The following SYN3 variants were observed in gnomAD, a reference collection of about 807,000 sequenced individuals.
The protein encoded by SYN3 is synapsin-3.
In SYN3, 35 loss-of-function variants were observed where a neutral mutation model predicts 65.8. That is an observed-to-expected ratio of 0.53 (90% CI 0.41 to 0.70). The LOEUF is 0.70. Ranked by LOEUF, SYN3 falls within the 30% of genes least tolerant of loss-of-function variation. The pLI, the probability that SYN3 is intolerant of heterozygous loss-of-function variation, is 0.00. For missense variants in SYN3, 680 were observed against 749.0 expected, an observed-to-expected ratio of 0.91 and a Z score of 1.08; for synonymous variants, 270 against 292.9, an observed-to-expected ratio of 0.92 and a Z score of 0.80.
In SYN3 at chr22:32,892,511, A is replaced by AGTGCTGTG. The variant is rs1307667333; in HGVS notation, c.462-23394_462-23387dup. 2.0e-5 allele frequency among the ~76,000 whole-genome samples: 3 copies of AGTGCTGTG among 152,344 alleles called. No individual in the cohort carries two copies. The East Asian group carries it at 5.8e-4, about 29-fold the overall frequency. On this transcript the variant is annotated intron_variant, in intron 4 of 13. Transcript: ENST00000358763. ...ATACATGCTATTACAAATTGTGATG[A>AGTGCTGTG]GTGCTGTGAAGGAAACGAGACTCTA...
At position 33,035,296 on chromosome 22, in the gene SYN3, G is replaced by A. The variant is rs1188071459; in HGVS notation, c.-163+22996C>T. Among the ~76,000 whole-genome samples, 6 of 143,304 alleles carry A rather than the reference G, an allele frequency of 4.2e-5. No homozygotes were observed. The Admixed American group carries it at 4.4e-4, about 11-fold the overall frequency. 94.0% of individuals were successfully genotyped at this position (143,304 alleles called of 152,430 possible). On this transcript the variant is annotated intron_variant, in intron 1 of 13. Transcript: ENST00000358763. Reference sequence around the variant, plus strand: ...TATATTAAACCAATTAATCCTAACAGTTGTAGGTGGAAAGAAAAATTAAAA... The same window carrying A: ...TATATTAAACCAATTAATCCTAACAATTGTAGGTGGAAAGAAAAATTAAAA...
intron 7 of SYN3, among the ~76,000 whole-genome samples, chr22:32,562,875 A>ACAC (rs1293014951): frequency 3.9e-5 from 6 of 152,244 alleles, no homozygotes; most frequent in African/African-American, 1.2e-4. Context: ...CTTTCATGGG[A>ACAC]AGGACACAGG....
chr22:32,719,836 T>A (rs1006059902), intron 6 of SYN3, among the ~76,000 whole-genome samples: 2 of 151,832 alleles, frequency 1.3e-5, no homozygotes, highest in African/African-American at 4.8e-5. Flanking sequence ...AGCAAGACTG[T>A]CTCAGAAAAA....
At chr22:32,998,966 T>A (rs542043650) in intron 2 of SYN3, among the ~76,000 whole-genome samples, 1 of 152,184 alleles carries the variant, frequency 6.6e-6, no homozygotes, top group East Asian at 1.9e-4. Context: ...GAGGTGAGCT[T>A]CAGACTCCAC....
At chr22:32,915,798 T>A (rs1486855210) in intron 4 of SYN3, among the ~76,000 whole-genome samples, 2 of 152,174 alleles carry the variant, frequency 1.3e-5, no homozygotes, top group African/African-American at 4.8e-5. Context: ...TTGTAGAGTT[T>A]TAAACATGCA....
chr22:32,809,576 G>A (rs990910952), intron 6 of SYN3, among the ~76,000 whole-genome samples: 2 of 151,974 alleles, frequency 1.3e-5, no homozygotes, highest in Non-Finnish European at 2.9e-5. Flanking sequence ...TCTGTGTTTG[G>A]AACAGTTATC....
At chr22:32,974,387 A>G (rs894386415) in intron 3 of SYN3, among the ~76,000 whole-genome samples, 2 of 152,216 alleles carry the variant, frequency 1.3e-5, no homozygotes, top group African/African-American at 2.4e-5. Context: ...TTTATCTCAT[A>G]AGGACTCAAC....
intron 7 of SYN3, among the ~76,000 whole-genome samples, chr22:32,560,838 C>T (rs1471987709): frequency 6.6e-6 from 1 of 152,166 alleles, no homozygotes; most frequent in African/African-American, 2.4e-5. Context: ...TGGAAGCCCA[C>T]TTTCATCATA....
At chr22:32,651,564 T>TTGAATGAATGAATGAA (rs143229085) in intron 6 of SYN3, among the ~76,000 whole-genome samples, 16,371 of 150,990 alleles carry the variant, frequency 0.11, 1,791 homozygotes, top group East Asian at 0.56. Context: ...GGATGCATGC[T>TTGAATGAATGAATGAA]TGAATGAATG....
intron 6 of SYN3, among the ~76,000 whole-genome samples, chr22:32,770,865 ATTAACACATATGTGTTCAG>A (rs902149158): frequency 5.3e-5 from 8 of 152,174 alleles, no homozygotes; most frequent in East Asian, 1.9e-4. Flanking sequence ...TATGTGTTCA[ATTAACACATATGTGTTCAG>A]TTATTATTAT....
intron 6 of SYN3, among the ~76,000 whole-genome samples, chr22:32,723,079 T>G (rs1007265790): frequency 6.6e-6 from 1 of 152,160 alleles, no homozygotes. Context: ...ACGCAGATGA[T>G]GAATCCAAGA....
At position 32,742,207 on chromosome 22, in the gene SYN3, C is replaced by T. The variant is rs538704099; in HGVS notation, c.711+122708G>A. Among the ~76,000 whole-genome samples, 76 of 152,214 alleles carry T rather than the reference C, an allele frequency of 5.0e-4. 2 individuals carry two copies. In the South Asian group the frequency reaches 0.013, roughly 27 times the overall value. ...AGGAGAATGGCCTGAACCCGGGAAG[C>T]GGAGCTGGCAGTGAGCCAAGATCGC... is the stretch of plus-strand genomic sequence containing the variant. On this transcript the variant is annotated intron_variant, in intron 6 of 13. Transcript: ENST00000358763.
At chr22:33,057,515 G>T (rs1322444569) in intron 1 of SYN3, 1 of 152,504 alleles carries the variant, frequency 6.6e-6, no homozygotes, top group African/African-American at 2.4e-5. Context: ...CAAAACCTCC[G>T]ACTTCCAGTC....
rs143423037 is a variant in SYN3 at position 32,936,731 on chromosome 22, C to T, written c.370-5250G>A. Among the ~76,000 whole-genome samples, 477 of 152,274 alleles carry T rather than the reference C, an allele frequency of 3.1e-3. 1 individual carries two copies. The highest frequency in any genetic ancestry group is 0.011 in the African/African-American group (445 of 41,564). ...AAATTTCATAGTGGGACTGAATTAT[C>T]CCTGGCCAACAGCATGCTCTGGATC... is the stretch of plus-strand genomic sequence containing the variant. On this transcript the variant is annotated intron_variant, in intron 3 of 13. Transcript: ENST00000358763.
At chr22:32,793,859 G>A (rs1163972575) in intron 6 of SYN3, among the ~76,000 whole-genome samples, 1 of 152,228 alleles carries the variant, frequency 6.6e-6, no homozygotes, top group African/African-American at 2.4e-5. Context: ...CACAGCAAGG[G>A]CAGAGTTGAA....
intron 7 of SYN3, among the ~76,000 whole-genome samples, chr22:32,565,729 A>AT (rs112055588): frequency 0.044 from 6,559 of 147,916 alleles, 323 homozygotes; most frequent in East Asian, 0.25. Flanking sequence ...TATTTATTTA[A>AT]TTTTTTTTTA....
intron 3 of SYN3, among the ~76,000 whole-genome samples, chr22:32,973,410 C>T (rs770134019): frequency 1.3e-5 from 2 of 152,024 alleles, no homozygotes; most frequent in East Asian, 3.9e-4. Flanking sequence ...GAATATACTA[C>T]TTTTACCCCC....
At chr22:33,016,492 T>C (rs953653609) in intron 1 of SYN3, among the ~76,000 whole-genome samples, 7 of 152,210 alleles carry the variant, frequency 4.6e-5, no homozygotes, top group Admixed American at 6.5e-5. Flanking sequence ...TATTTTATCA[T>C]AAAGACAAAA....
chr22:32,534,892 C>T (rs1420212025), intron 9 of SYN3, among the ~76,000 whole-genome samples: 1 of 152,180 alleles, frequency 6.6e-6, no homozygotes, highest in African/African-American at 2.4e-5. Flanking sequence ...GTAAGAACAC[C>T]AGGATTCCCT....
Sources: allele counts gnomAD v4.1 joint callset (sites outside exome capture counted in the v4.1 genomes callset), GRCh38; gene constraint gnomAD v4.1.1; transcripts MANE v1.5; gene names NCBI Gene and HGNC (gene_info 2026-07-23, HGNC 2026-07-21).